KIAA0586: variants seen among roughly 807,000 people sequenced by gnomAD.
KIAA0586 encodes the protein protein TALPID3.
KIAA0586 carries 144 observed loss-of-function variants against 169.8 expected under a neutral mutation model. That is an observed-to-expected ratio of 0.85 (90% CI 0.74 to 0.97). The LOEUF (loss-of-function observed/expected upper bound fraction) is 0.97. Among genes scored for constraint, KIAA0586 ranks in the 50% least tolerant of loss-of-function variants. The probability of loss-of-function intolerance (pLI) is 0.00; values close to 1 mark genes in which losing one functional copy is unlikely to be tolerated. For synonymous variants in KIAA0586, 625 were observed against 612.4 expected (o/e 1.02, Z -0.30); for missense variants, 1,854 against 1,823.0 (o/e 1.02, Z -0.31).
intron 30 of KIAA0586, among the ~76,000 whole-genome samples, chr14:58,542,472 G>A (rs935169008): frequency 6.8e-4 from 102 of 149,306 alleles, no homozygotes; most frequent in African/African-American, 2.2e-3. Context: ...GCGATACTCC[G>A]TCTCAAAAAA....
intron 25 of KIAA0586, 51 bp from the exon 26 acceptor site, chr14:58,492,093 C>A (rs571910154): frequency 1.5e-6 from 2 of 1,356,232 alleles, no homozygotes; most frequent in Admixed American, 2.9e-5. Context: ...GAGAAAAATG[C>A]AATTGTTCGA....
At chr14:58,554,869 C>G (rs992469516), downstream of KIAA0586, among the ~76,000 whole-genome samples, 2 of 152,196 alleles carry the variant, frequency 1.3e-5, no homozygotes, top group South Asian at 4.1e-4. Flanking sequence ...TGTGCCAGCC[C>G]CTGATTGGGA....
chr14:58,430,732 T>C lies in KIAA0586; in HGVS notation c.340+15T>C, dbSNP rs139305633. The C allele has an allele frequency of 1.8e-4, 272 of 1,473,494 alleles. No homozygotes were observed. In the African/African-American group the frequency reaches 3.1e-3, roughly 17 times the overall value. The allele number at this position is 1,473,494 out of a possible 1,614,324, so 91.3% of individuals were successfully genotyped here. On this transcript the variant is annotated intron_variant, in intron 3 of 30. Transcript: ENST00000652326. ...CAAGCAAAAAGGTAAAAGAATAATA[T>C]TGATTTTTTTAAATTGTGACAACAT...
chr14:58,531,342 TA>T (rs759051141), intron 29 of KIAA0586, among the ~76,000 whole-genome samples: 2,464 of 142,468 alleles, frequency 0.017, 75 homozygotes, highest in African/African-American at 0.06. Context: ...AAAAAAAAAA[TA>T]AAATAAATAA....
At chr14:58,537,773 G>A (rs954102190) in intron 29 of KIAA0586, among the ~76,000 whole-genome samples, 13 of 151,630 alleles carry the variant, frequency 8.6e-5, no homozygotes, top group South Asian at 2.1e-4. Flanking sequence ...TCAGCCTCCC[G>A]AGTAGCTGGG....
chr14:58,471,647 A>T (rs898902083), intron 17 of KIAA0586, among the ~76,000 whole-genome samples: 2 of 151,066 alleles, frequency 1.3e-5, no homozygotes, highest in African/African-American at 4.9e-5. Context: ...TTTCATCAGT[A>T]TTTTTTTTTA....
chr14:58,442,959 TTG>T (rs779762657), intron 5 of KIAA0586, 79 bp downstream of exon 5: 117 of 1,033,448 alleles, frequency 1.1e-4, no homozygotes, highest in Non-Finnish European at 1.6e-4. Context: ...CTATAAATGG[TTG>T]TGTCCAGTTA....
intron 14 of KIAA0586, among the ~76,000 whole-genome samples, chr14:58,465,351 A>G (rs899082104): frequency 6.6e-6 from 1 of 152,246 alleles, no homozygotes; most frequent in Non-Finnish European, 1.5e-5. Context: ...AAAAATGATC[A>G]TTAACTTTTT....
At chr14:58,521,224 T>C (rs1247026191) in intron 29 of KIAA0586, 9 of 992,404 alleles carry the variant, frequency 9.1e-6, no homozygotes, top group Non-Finnish European at 1.1e-5. Context: ...TCCAACACAG[T>C]GGCCAGCAAC....
chr14:58,521,993 C>G, intron 29 of KIAA0586: 1 of 1,307,912 alleles, frequency 7.6e-7, no homozygotes, highest in Non-Finnish European at 1.1e-6. Context: ...AACTCTTAAG[C>G]ACATAGTGGG....
chr14:58,518,776 A>G (rs1245715121), intron 29 of KIAA0586, among the ~76,000 whole-genome samples: 1 of 152,182 alleles, frequency 6.6e-6, no homozygotes, highest in Non-Finnish European at 1.5e-5. Flanking sequence ...AAAACGTCTT[A>G]TTCATTTTAA....
At chr14:58,484,917 T>TATATATATATAC (rs2042322968) in intron 21 of KIAA0586, among the ~76,000 whole-genome samples, 1 of 37,850 alleles carries the variant, frequency 2.6e-5, no homozygotes, top group African/African-American at 9.6e-5. Context: ...TATATATATA[T>TATATATATATAC]ATATATATTT....
chr14:58,437,629 C>T (rs1311956393), intron 4 of KIAA0586, among the ~76,000 whole-genome samples: 1 of 145,812 alleles, frequency 6.9e-6, no homozygotes, highest in Non-Finnish European at 1.5e-5. Context: ...ATCACTTGAG[C>T]CCAAGAGGTT....
rs1032958209 is a variant in KIAA0586 at position 58,448,713 on chromosome 14, G to A, written c.961+220G>A. Among the ~76,000 whole-genome samples, 11 of 151,570 alleles carry A rather than the reference G, an allele frequency of 7.3e-5. No individual in the cohort carries two copies. The East Asian group carries it at 1.3e-3, about 19-fold the overall frequency. ...TAGATAAAATGAGTTCTTTTTTTGC[G>A]TCAAGTAATTTTTAGTTTATTTTGA... On this transcript the variant is annotated intron_variant, in intron 7 of 30. Coordinates refer to ENST00000652326, the MANE Select transcript of KIAA0586 (RefSeq NM_001329943.3).
intron 4 of KIAA0586, among the ~76,000 whole-genome samples, chr14:58,435,629 C>T (rs1038903719): frequency 6.6e-6 from 1 of 152,124 alleles, no homozygotes; most frequent in African/African-American, 2.4e-5. Flanking sequence ...CCTATGCCCC[C>T]CTTCCATACC....
chr14:58,451,685 A>G lies in KIAA0586; in HGVS notation c.1129+939A>G, dbSNP rs372821256. Among the ~76,000 whole-genome samples the G allele has an allele frequency of 3.3e-5, 5 of 152,062 alleles. 1 individual carries two copies. The highest frequency in any genetic ancestry group is 6.6e-5 in the Admixed American group (1 of 15,258). On this transcript the variant is annotated intron_variant, in intron 8 of 30. Coordinates refer to ENST00000652326, the MANE Select transcript of KIAA0586 (RefSeq NM_001329943.3). ...CCATGTTCACTTGGAAAAAGTGCTA[A>G]TATATGAACTTTTTTTGAGATGAAG...
chr14:58,500,252 A>G (rs1031102751), intron 27 of KIAA0586, among the ~76,000 whole-genome samples: 1 of 152,152 alleles, frequency 6.6e-6, no homozygotes. Flanking sequence ...GGTTTTATTT[A>G]TGTTTCTGTT....
In KIAA0586 at chr14:58,461,019, G is replaced by A. The variant is rs1595193868; in HGVS notation, c.1918G>A (p.Glu640Lys). The A allele has an allele frequency of 2.5e-6, 4 of 1,608,526 alleles. No individual in the cohort carries two copies. Among genetic ancestry groups the A allele is most frequent in the Non-Finnish European group, 3.4e-6 (4 of 1,178,138 alleles). Residue 640 changes from glutamate (E) to lysine (K), a missense_variant, in exon 14 of 31, where the codon GAA becomes AAA. Glu to Lys is a moderately conservative substitution (Grantham distance 56). Transcript: ENST00000652326. Reference protein sequence around the residue: ...LLKATTVIQDEDYMLQVYGKP... With the variant: ...LLKATTVIQDKDYMLQVYGKP... ...GAAAGCAACCACAGTAATACAAGAT[G>A]AAGATTATATGTTACAAGTCTATGG...
intron 6 of KIAA0586, among the ~76,000 whole-genome samples, chr14:58,446,527 G>T (rs1017820062): frequency 6.6e-6 from 1 of 151,816 alleles, no homozygotes. Context: ...ATATATGTGT[G>T]TGTGTATATA....
Sources: gnomAD v4.1 joint callset for allele counts (sites outside exome capture counted in the v4.1 genomes callset) on GRCh38, gnomAD v4.1.1 for gene constraint, MANE v1.5 for transcripts, NCBI Gene and HGNC (gene_info 2026-07-23, HGNC 2026-07-21) for gene names.